The following EYA2 variants were observed in gnomAD, a reference collection of about 807,000 sequenced individuals.
EYA2 encodes protein phosphatase EYA2.
EYA2 carries 31 observed loss-of-function variants against 69.2 expected under a neutral mutation model. That is an observed-to-expected ratio of 0.45 (90% CI 0.34 to 0.60). EYA2 has a LOEUF of 0.60. EYA2 is among the 20% of genes least tolerant of loss of function. The pLI is 0.02. For synonymous variants in EYA2, 257 were observed against 279.4 expected (o/e 0.92, Z 0.80); for missense variants, 622 against 701.2 (o/e 0.89, Z 1.28).
At chr20:46,918,315 C>T (rs957467259) in intron 1 of EYA2, among the ~76,000 whole-genome samples, 2 of 151,674 alleles carry the variant, frequency 1.3e-5, no homozygotes, top group African/African-American at 2.4e-5. Context: ...AGCAAGACTC[C>T]GTCTCAAAAA....
intron 10 of EYA2, among the ~76,000 whole-genome samples, chr20:47,150,091 C>G (rs1411935745): frequency 6.6e-6 from 1 of 152,084 alleles, no homozygotes; most frequent in African/African-American, 2.4e-5. Flanking sequence ...AGAGTTTGGC[C>G]CCAGGAGGGT....
chr20:46,919,477 C>T (rs1985084464), intron 1 of EYA2, among the ~76,000 whole-genome samples: 1 of 152,264 alleles, frequency 6.6e-6, no homozygotes, highest in South Asian at 2.1e-4. Context: ...AAGATGGCTG[C>T]TTTCCTTAAA....
chr20:47,053,084 C>T (rs981100132), intron 5 of EYA2, among the ~76,000 whole-genome samples: 4 of 152,154 alleles, frequency 2.6e-5, no homozygotes, highest in African/African-American at 9.7e-5. Context: ...TGGCCACCCT[C>T]CATGGTGGGC....
Position 47,057,510 on chromosome 20 carries a change from A to ACCCCCCC in EYA2, c.416-14669_416-14663dup, listed in dbSNP as rs796462817. On this transcript the variant is annotated intron_variant, in intron 5 of 15. Transcript: ENST00000327619. ...TTATCTGCTGACTACTTTTTATATC[A>ACCCCCCC]CCCCCCCCCCCCATCTCATACCTCC... Among the ~76,000 whole-genome samples the ACCCCCCC allele has an allele frequency of 5.1e-4, 48 of 94,754 alleles. 2 individuals carry two copies. The highest frequency in any genetic ancestry group is 8.2e-4 in the African/African-American group (24 of 29,422). The allele number at this position is 94,754 out of a possible 152,430, so 62.2% of individuals were successfully genotyped here. A position where few individuals can be genotyped will look rare whatever the true frequency, so the allele number is the denominator to read the frequency against.
At chr20:47,131,882 G>A (rs2033351208) in intron 9 of EYA2, among the ~76,000 whole-genome samples, 1 of 152,142 alleles carries the variant, frequency 6.6e-6, no homozygotes, top group African/African-American at 2.4e-5. Context: ...TTATATTCAT[G>A]GTGACTTCCC....
chr20:47,037,559 G>A (rs572257564), intron 5 of EYA2, among the ~76,000 whole-genome samples: 35 of 152,168 alleles, frequency 2.3e-4, no homozygotes, highest in Non-Finnish European at 4.7e-4. Flanking sequence ...GTCTTACTGG[G>A]CTAAAATCAA....
At chr20:47,112,339 G>C (rs2032769044) in intron 9 of EYA2, among the ~76,000 whole-genome samples, 1 of 152,186 alleles carries the variant, frequency 6.6e-6, no homozygotes, top group Non-Finnish European at 1.5e-5. Flanking sequence ...GATAATGAAT[G>C]AAGGAAAGAG....
At chr20:47,137,461 A>G (rs1183824585) in intron 9 of EYA2, among the ~76,000 whole-genome samples, 4 of 152,280 alleles carry the variant, frequency 2.6e-5, no homozygotes, top group Non-Finnish European at 5.9e-5. Context: ...TAGGTCTTAG[A>G]GGGATCAGGC....
intron 5 of EYA2, among the ~76,000 whole-genome samples, chr20:47,031,795 T>G (rs1433401329): frequency 6.6e-6 from 1 of 152,078 alleles, no homozygotes; most frequent in African/African-American, 2.4e-5. Flanking sequence ...GAAATCTCTC[T>G]GCCATCTGAT....
intron 5 of EYA2, among the ~76,000 whole-genome samples, chr20:47,019,826 G>A (rs1301808693): frequency 6.6e-6 from 1 of 151,328 alleles, no homozygotes; most frequent in East Asian, 1.9e-4. Context: ...AAAATTATCT[G>A]GGCATGGTGA....
chr20:47,151,729 G>A (rs1337577921), intron 10 of EYA2, among the ~76,000 whole-genome samples: 2 of 151,836 alleles, frequency 1.3e-5, no homozygotes, highest in African/African-American at 2.4e-5. Flanking sequence ...ATACTTATGC[G>A]GTACATTTTG....
chr20:47,152,937 GA>G (rs964502570), intron 10 of EYA2, among the ~76,000 whole-genome samples: 12 of 141,858 alleles, frequency 8.5e-5, no homozygotes, highest in East Asian at 2.0e-4. Flanking sequence ...TGTCTCAAAA[GA>G]AAAAAAAAAG....
intron 5 of EYA2, among the ~76,000 whole-genome samples, chr20:47,061,591 A>G (rs930615648): frequency 1.3e-5 from 2 of 152,118 alleles, no homozygotes; most frequent in East Asian, 1.9e-4. Flanking sequence ...GCCTACCTCA[A>G]TCTAATTCAC....
In EYA2 at chr20:47,149,652, C is replaced by T. The variant is rs137958464; in HGVS notation, c.978+6504C>T. ...GCGGTCAGGAGTTCAAGACCAGCCT[C>T]GCCAACATGGCAAAACCCCATCTCT... is the stretch of plus-strand genomic sequence containing the variant. On this transcript the variant is annotated intron_variant, in intron 10 of 15. Transcript: ENST00000327619. 9.2e-3 allele frequency among the ~76,000 whole-genome samples: 1,370 copies of T among 148,474 alleles called. 25 individuals are homozygous for T. The highest frequency in any genetic ancestry group is 0.045 in the Middle Eastern group (13 of 290).
At chr20:47,072,479 A>T (rs1482863671) in intron 6 of EYA2, among the ~76,000 whole-genome samples, 1 of 152,132 alleles carries the variant, frequency 6.6e-6, no homozygotes, top group East Asian at 1.9e-4. Flanking sequence ...GATGTCATGG[A>T]GATCTACAAG....
intron 1 of EYA2, among the ~76,000 whole-genome samples, chr20:46,987,413 C>CAA (rs1981301504): frequency 6.6e-6 from 1 of 152,188 alleles, no homozygotes; most frequent in Non-Finnish European, 1.5e-5. Flanking sequence ...GCTTACGGGC[C>CAA]ATAGGTAGTG....
At chr20:47,130,957 C>T (rs919908904) in intron 9 of EYA2, among the ~76,000 whole-genome samples, 3 of 152,010 alleles carry the variant, frequency 2.0e-5, no homozygotes, top group East Asian at 3.9e-4. Context: ...AGTGTAGTGG[C>T]GGGTGCCTGT....
At position 47,092,159 on chromosome 20, in the gene EYA2, G is replaced by A. The variant is rs868735314; in HGVS notation, c.804+2778G>A. Among the ~76,000 whole-genome samples the A allele has an allele frequency of 3.3e-5, 5 of 152,232 alleles. No individual in the cohort carries two copies. In the South Asian group the frequency reaches 1.0e-3, roughly 32 times the overall value. On this transcript the variant is annotated intron_variant, in intron 8 of 15. Transcript: ENST00000327619. ...CACCTGTAGCAGTTGTTTATAGCTG[G>A]GGTCGGTTCTGATCACCCTGGAAGA...
chr20:46,951,663 T>C (rs1387943315), intron 1 of EYA2, among the ~76,000 whole-genome samples: 1 of 152,234 alleles, frequency 6.6e-6, no homozygotes, highest in East Asian at 1.9e-4. Context: ...ACTCAGATTC[T>C]TGTCCCAGCT....
Sources: gnomAD v4.1 joint callset for allele counts (sites outside exome capture counted in the v4.1 genomes callset) on GRCh38, gnomAD v4.1.1 for gene constraint, MANE v1.5 for transcripts, NCBI Gene and HGNC (gene_info 2026-07-23, HGNC 2026-07-21) for gene names.